TMEM117: variants seen among roughly 807,000 people sequenced by gnomAD.
TMEM117 encodes the protein transmembrane protein 117.
In TMEM117, 27 loss-of-function variants were observed where a neutral mutation model predicts 52.4. The observed-to-expected ratio is 0.51, with a 90% CI of 0.38 to 0.71. The LOEUF (loss-of-function observed/expected upper bound fraction) is 0.71. TMEM117 is among the 30% of genes least tolerant of loss of function. TMEM117 has a pLI of 0.00. For synonymous variants in TMEM117, 215 were observed against 206.3 expected, an observed-to-expected ratio of 1.04 and a Z score of -0.36; for missense variants, 556 against 630.5, an observed-to-expected ratio of 0.88 and a Z score of 1.26.
At chr12:44,239,234 A>G (rs1348925032) in intron 5 of TMEM117, among the ~76,000 whole-genome samples, 1 of 152,172 alleles carries the variant, frequency 6.6e-6, no homozygotes, top group South Asian at 2.1e-4. Flanking sequence ...TGTGTATTCA[A>G]ATAATGGGTG....
At chr12:44,149,647 C>G (rs1453849796) in intron 4 of TMEM117, among the ~76,000 whole-genome samples, 2 of 152,122 alleles carry the variant, frequency 1.3e-5, no homozygotes, top group African/African-American at 2.4e-5. Flanking sequence ...ATACATGTCA[C>G]TATTTTGTGG....
At chr12:44,357,205 CA>C (rs1470979762) in intron 6 of TMEM117, among the ~76,000 whole-genome samples, 6 of 152,130 alleles carry the variant, frequency 3.9e-5, no homozygotes, top group Non-Finnish European at 7.4e-5. Flanking sequence ...TGAATGCTCT[CA>C]GGGGCAGAAA....
intron 5 of TMEM117, among the ~76,000 whole-genome samples, chr12:44,216,838 AAT>A (rs749478377): frequency 2.0e-5 from 3 of 152,086 alleles, no homozygotes; most frequent in Admixed American, 1.3e-4. Flanking sequence ...CATAGGATTA[AAT>A]TTTATGTTTT....
chr12:44,315,342 A>C lies in TMEM117; in HGVS notation c.768+15603A>C, dbSNP rs529139065. Among the ~76,000 whole-genome samples the C allele has an allele frequency of 1.1e-4, 16 of 152,320 alleles. No homozygotes were observed. In the South Asian group the frequency reaches 3.1e-3, roughly 30 times the overall value. On this transcript the variant is annotated intron_variant, in intron 6 of 7. Transcript: ENST00000266534. ...TTCTAGTTCCTCTAGATGTGATACC[A>C]AACTGTAAATTTGAGATCTTCCTAA...
chr12:44,325,900 C>T (rs1951188687), intron 6 of TMEM117, among the ~76,000 whole-genome samples: 1 of 152,162 alleles, frequency 6.6e-6, no homozygotes, highest in South Asian at 2.1e-4. Context: ...GTGGCTCACG[C>T]CTATAATTCC....
intron 3 of TMEM117, among the ~76,000 whole-genome samples, chr12:44,093,152 T>C (rs1407914039): frequency 6.6e-6 from 1 of 152,154 alleles, no homozygotes; most frequent in Non-Finnish European, 1.5e-5. Context: ...CTTGGAGTTA[T>C]ATTAGGCTAA....
intron 2 of TMEM117, among the ~76,000 whole-genome samples, chr12:43,866,185 G>A (rs577479647): frequency 6.6e-6 from 1 of 151,814 alleles, no homozygotes; most frequent in Non-Finnish European, 1.5e-5. Flanking sequence ...TTTCACATAG[G>A]GGAATGATGA....
intron 2 of TMEM117, among the ~76,000 whole-genome samples, chr12:43,909,683 A>G (rs1231236875): frequency 6.6e-6 from 1 of 152,130 alleles, no homozygotes; most frequent in Non-Finnish European, 1.5e-5. Flanking sequence ...TCCCACAGAA[A>G]TGCAAACTAC....
intron 2 of TMEM117, among the ~76,000 whole-genome samples, chr12:43,925,001 G>C (rs181317239): frequency 6.6e-6 from 1 of 152,130 alleles, no homozygotes; most frequent in Admixed American, 6.6e-5. Context: ...TGGATGGCAG[G>C]TTGGTGCTAG....
At chr12:43,863,770 C>T (rs1943531361) in intron 2 of TMEM117, among the ~76,000 whole-genome samples, 1 of 152,234 alleles carries the variant, frequency 6.6e-6, no homozygotes, top group Admixed American at 6.5e-5. Flanking sequence ...CTCTCGGTGC[C>T]TCCTTGGCCT....
At chr12:44,173,897 C>T (rs1230262665) in intron 4 of TMEM117, among the ~76,000 whole-genome samples, 1 of 151,622 alleles carries the variant, frequency 6.6e-6, no homozygotes, top group East Asian at 1.9e-4. Context: ...CTTATTTTCC[C>T]CTAATTATTA....
At chr12:44,307,241 A>G (rs1950914821) in intron 6 of TMEM117, among the ~76,000 whole-genome samples, 1 of 152,216 alleles carries the variant, frequency 6.6e-6, no homozygotes, top group Non-Finnish European at 1.5e-5. Flanking sequence ...TTAAATAGTC[A>G]TGGTGTTTTA....
At chr12:44,308,179 A>G (rs2138662318) in intron 6 of TMEM117, among the ~76,000 whole-genome samples, 1 of 152,386 alleles carries the variant, frequency 6.6e-6, no homozygotes, top group Non-Finnish European at 1.5e-5. Context: ...TTCGTTTAAA[A>G]GAGAGCTAGA....
At chr12:44,009,287 GA>G (rs1946251727) in intron 3 of TMEM117, 1 of 273,134 alleles carries the variant, frequency 3.7e-6, no homozygotes, top group African/African-American at 2.3e-5. Flanking sequence ...ACCGATACAG[GA>G]TGATCATTTC....
At chr12:43,808,446 A>G in the TMEM117 span, among the ~76,000 whole-genome samples, 1 of 152,282 alleles carries the variant, frequency 6.6e-6, no homozygotes, top group African/African-American at 2.4e-5. Context: ...GTGAAAGGCA[A>G]TTATCACAGG....
chr12:44,372,422 A>T lies in TMEM117; in HGVS notation c.769-4173A>T, dbSNP rs535816847. ...AACTGGCTATACATCCATAGTTATG[A>T]TGCCAGGAGAATCTCAGTGTTTGCT... On this transcript the variant is annotated intron_variant, in intron 6 of 7. Coordinates refer to ENST00000266534, the MANE Select transcript of TMEM117 (RefSeq NM_032256.3). 1.2e-4 allele frequency among the ~76,000 whole-genome samples: 19 copies of T among 152,310 alleles called. No homozygotes were observed. In the South Asian group the frequency reaches 3.7e-3, roughly 30 times the overall value.
At chr12:43,912,269 T>G (rs1421273606) in intron 2 of TMEM117, among the ~76,000 whole-genome samples, 1 of 142,832 alleles carries the variant, frequency 7.0e-6, no homozygotes, top group African/African-American at 2.5e-5. Context: ...ACACTGCATA[T>G]TCTCACTCAT....
chr12:44,282,306 A>G (rs112315635), intron 5 of TMEM117, among the ~76,000 whole-genome samples: 13,500 of 152,190 alleles, frequency 0.089, 882 homozygotes, highest in African/African-American at 0.19. Flanking sequence ...AAATGTGGAA[A>G]TGACTTTGGA....
At chr12:43,957,564 A>G (rs1335248575) in intron 3 of TMEM117, among the ~76,000 whole-genome samples, 1 of 152,206 alleles carries the variant, frequency 6.6e-6, no homozygotes, top group East Asian at 1.9e-4. Context: ...TCTCTTTTCA[A>G]CTATGTACCC....
Sources: gnomAD v4.1 joint callset for allele counts (sites outside exome capture counted in the v4.1 genomes callset) on GRCh38, gnomAD v4.1.1 for gene constraint, MANE v1.5 for transcripts, NCBI Gene and HGNC (gene_info 2026-07-23, HGNC 2026-07-21) for gene names.